Variants in SOBP observed in about 807,000 individuals in gnomAD.
SOBP encodes the protein sine oculis-binding protein homolog.
Under a neutral mutation model 53.6 loss-of-function variants are expected in SOBP, and 4 were observed. That is an observed-to-expected ratio of 0.07 (90% confidence interval 0.04 to 0.17). SOBP has a LOEUF of 0.17. Ranked by LOEUF, SOBP falls within the 10% of genes least tolerant of loss-of-function variation. The pLI is 1.00. For synonymous variants in SOBP, 584 were observed against 522.6 expected (o/e 1.12, Z -1.60); for missense variants, 1,088 against 1,204.7 (o/e 0.90, Z 1.43).
chr6:107,539,701 G>C (rs758553124), intron 4 of SOBP, among the ~76,000 whole-genome samples: 1 of 152,224 alleles, frequency 6.6e-6, no homozygotes, highest in Non-Finnish European at 1.5e-5. Context: ...GGGCAGTTCA[G>C]TGAAACAAAT....
At chr6:107,587,999 C>G (rs1217912721) in intron 5 of SOBP, among the ~76,000 whole-genome samples, 1 of 152,168 alleles carries the variant, frequency 6.6e-6, no homozygotes, top group Non-Finnish European at 1.5e-5. Flanking sequence ...AGGGATCTAG[C>G]TATGTTGTCC....
At chr6:107,596,187 G>A (rs545820048) in intron 5 of SOBP, among the ~76,000 whole-genome samples, 1 of 152,198 alleles carries the variant, frequency 6.6e-6, no homozygotes, top group African/African-American at 2.4e-5. Context: ...ATTCTGAGAT[G>A]CACTTTCCCC....
In SOBP at chr6:107,634,540, G is replaced by A. The variant is rs780213176; in HGVS notation, c.1696G>A (p.Ala566Thr). ...CAACGGGGAGAACTTCATTCCGAAC[G>A]CCCCTGGCGACTCCGCGGCGGCGGG... is the stretch of plus-strand genomic sequence containing the variant. ...SSNGENFIPN[A>T]PGDSAAAGGK... The change falls in exon 6 of 7, where the codon GCC (alanine) becomes ACC (threonine). Residue 566 changes from alanine (A) to threonine (T), a missense_variant. Coordinates refer to ENST00000317357, the MANE Select transcript of SOBP (RefSeq NM_018013.4). This position sits in a 1 kb window ranked among gnomAD's most constrained non-coding sequence, Gnocchi z 4.5. The A allele has an allele frequency of 8.1e-6, 13 of 1,609,534 alleles. No individual in the cohort carries two copies. In the Admixed American group the frequency reaches 1.8e-4, roughly 23 times the overall value.
chr6:107,512,567 G>T (rs1783200950), intron 3 of SOBP, among the ~76,000 whole-genome samples: 2 of 152,306 alleles, frequency 1.3e-5, no homozygotes, highest in South Asian at 4.1e-4. Flanking sequence ...TGGCTGCATT[G>T]ACTGGCCATC....
At chr6:107,490,773 G>A in intron 1 of SOBP, 61 bp downstream of exon 1, 1 of 1,314,432 alleles carries the variant, frequency 7.6e-7, no homozygotes, top group Non-Finnish European at 1.1e-6. Flanking sequence ...CTCCCCGTGG[G>A]CCGTGGTATG....
chr6:107,602,985 C>A (rs919501225), intron 5 of SOBP, among the ~76,000 whole-genome samples: 4 of 151,078 alleles, frequency 2.6e-5, no homozygotes, highest in African/African-American at 9.7e-5. Flanking sequence ...AAAAAAAAAA[C>A]CCTGCTTCCA....
At chr6:107,514,792 T>C (rs1221362141) in intron 3 of SOBP, 1 of 152,192 alleles carries the variant, frequency 6.6e-6, no homozygotes, top group Non-Finnish European at 1.5e-5. Flanking sequence ...ACTTGTATGG[T>C]TAGTTGCTCT....
At position 107,635,538 on chromosome 6, in the gene SOBP, G is replaced by A. The variant is rs1273256054; in HGVS notation, c.*3+69G>A. Reference sequence around the variant, plus strand: ...CTCTCCTTACTTCTGACAAGGCAGAGGGGAGAGTTGTAATTATAGTCATGA... The same window carrying A: ...CTCTCCTTACTTCTGACAAGGCAGAAGGGAGAGTTGTAATTATAGTCATGA... On this transcript the variant is annotated intron_variant, in intron 6 of 6. Coordinates refer to ENST00000317357, the MANE Select transcript of SOBP (RefSeq NM_018013.4). This position sits in a 1 kb window ranked among gnomAD's most constrained non-coding sequence, Gnocchi z 4.5. 1.3e-6 allele frequency: 2 copies of A among 1,587,374 alleles called. No individual in the cohort carries two copies. Among genetic ancestry groups the A allele is most frequent in the African/African-American group, 1.3e-5 (1 of 74,476 alleles).
chr6:107,545,353 A>T (rs1438401279), intron 4 of SOBP, among the ~76,000 whole-genome samples: 1 of 152,204 alleles, frequency 6.6e-6, no homozygotes. Flanking sequence ...CTGCTGATTG[A>T]CACTCAGGTC....
At chr6:107,539,460 A>G (rs1234272977) in intron 4 of SOBP, among the ~76,000 whole-genome samples, 1 of 152,200 alleles carries the variant, frequency 6.6e-6, no homozygotes, top group African/African-American at 2.4e-5. Flanking sequence ...ATTTTCAGAC[A>G]TAGTACATCT....
intron 5 of SOBP, 177 bp downstream of exon 5, chr6:107,587,352 C>G: frequency 1.6e-6 from 1 of 632,154 alleles, no homozygotes; most frequent in Non-Finnish European, 2.8e-6. Flanking sequence ...AAATTGTTTG[C>G]AAATCTTTTA....
At chr6:107,504,876 G>A (rs1324672060) in intron 2 of SOBP, among the ~76,000 whole-genome samples, 2 of 152,176 alleles carry the variant, frequency 1.3e-5, no homozygotes, top group South Asian at 2.1e-4. Flanking sequence ...CAAGTCATGA[G>A]TTTGTATTCT....
chr6:107,644,985 G>A (rs990029609), intron 6 of SOBP, among the ~76,000 whole-genome samples: 3 of 152,148 alleles, frequency 2.0e-5, no homozygotes, highest in Non-Finnish European at 2.9e-5. Context: ...AGGCAACATG[G>A]ACCTTAAATA....
At chr6:107,575,653 G>A (rs1334209116) in intron 4 of SOBP, among the ~76,000 whole-genome samples, 1 of 152,108 alleles carries the variant, frequency 6.6e-6, no homozygotes, top group Non-Finnish European at 1.5e-5. Context: ...GAGAGGTTGT[G>A]GAAACGCAGG....
At chr6:107,569,790 A>G (rs1287377129) in intron 4 of SOBP, among the ~76,000 whole-genome samples, 1 of 152,234 alleles carries the variant, frequency 6.6e-6, no homozygotes, top group Non-Finnish European at 1.5e-5. Context: ...CCAGGAGCAC[A>G]TGAATAAGTG....
intron 3 of SOBP, chr6:107,514,536 T>C (rs1449485437): frequency 6.6e-6 from 1 of 152,210 alleles, no homozygotes; most frequent in Non-Finnish European, 1.5e-5. Context: ...GTAAGGCACA[T>C]TTTAGTGTGT....
At chr6:107,538,296 T>A (rs535922889) in intron 4 of SOBP, among the ~76,000 whole-genome samples, 2 of 152,242 alleles carry the variant, frequency 1.3e-5, no homozygotes, top group Non-Finnish European at 2.9e-5. Context: ...AATTGCCCTG[T>A]TAATCTAGTG....
intron 1 of SOBP, among the ~76,000 whole-genome samples, chr6:107,497,629 T>C (rs1334866296): frequency 6.6e-6 from 1 of 152,152 alleles, no homozygotes. Context: ...AAAAGTCTCA[T>C]ACTATACTAA....
chr6:107,521,492 G>C (rs886612443), intron 3 of SOBP, among the ~76,000 whole-genome samples: 1 of 152,118 alleles, frequency 6.6e-6, no homozygotes, highest in Non-Finnish European at 1.5e-5. Context: ...GGAAATCCAG[G>C]TCTCATATGC....
Sources: allele counts gnomAD v4.1 joint callset (sites outside exome capture counted in the v4.1 genomes callset), GRCh38; gene constraint gnomAD v4.1.1; non-coding constraint Gnocchi (gnomAD v3.1); transcripts MANE v1.5; gene names NCBI Gene and HGNC (gene_info 2026-07-23, HGNC 2026-07-21).